KIFC3: variants seen among roughly 807,000 people sequenced by gnomAD.
KIFC3 encodes the protein kinesin-like protein KIFC3.
A neutral mutation model predicts 101.8 loss-of-function variants in KIFC3; 60 were observed. The ratio of observed to expected loss-of-function variants is 0.59; its 90% CI spans 0.48 to 0.73. KIFC3 has a LOEUF of 0.73. KIFC3 is among the 30% of genes least tolerant of loss of function. The probability of loss-of-function intolerance (pLI) is 0.00; values close to 1 mark genes in which losing one functional copy is unlikely to be tolerated. For missense variants in KIFC3, 966 were observed against 1,137.1 expected (o/e 0.85, Z 2.16); for synonymous variants, 476 against 482.7 (o/e 0.99, Z 0.18).
intron 3 of KIFC3, among the ~76,000 whole-genome samples, chr16:57,789,748 C>G (rs1174176412): frequency 7.1e-6 from 1 of 140,648 alleles, no homozygotes; most frequent in African/African-American, 2.9e-5. Context: ...CTTTTCTTTT[C>G]TTTTTTTAAA....
At chr16:57,850,457 TA>T (rs2056026549) in intron 1 of KIFC3, among the ~76,000 whole-genome samples, 1 of 141,508 alleles carries the variant, frequency 7.1e-6, no homozygotes, top group African/African-American at 2.6e-5. Flanking sequence ...AAATAAATTT[TA>T]AAAAGGGTTT....
chr16:57,768,716 C>A (rs563810890), intron 9 of KIFC3, among the ~76,000 whole-genome samples: 1 of 152,208 alleles, frequency 6.6e-6, no homozygotes, highest in South Asian at 2.1e-4. Context: ...GAACTATATT[C>A]TGTTCCCAAA....
At chr16:57,763,378 C>A (rs906879786) in intron 12 of KIFC3, among the ~76,000 whole-genome samples, 16 of 152,020 alleles carry the variant, frequency 1.1e-4, no homozygotes, top group African/African-American at 3.4e-4. Flanking sequence ...ACTAGTCTCA[C>A]CAGTCCCAGA....
chr16:57,828,105 G>T (rs2055495844), intron 1 of KIFC3, among the ~76,000 whole-genome samples: 1 of 152,158 alleles, frequency 6.6e-6, no homozygotes, highest in Non-Finnish European at 1.5e-5. Flanking sequence ...GGCCCTCTTG[G>T]AGGCTCTTCC....
chr16:57,836,987 C>A (rs2055700784), intron 1 of KIFC3, among the ~76,000 whole-genome samples: 2 of 152,172 alleles, frequency 1.3e-5, no homozygotes, highest in Admixed American at 1.3e-4. Flanking sequence ...AGCCACTGTA[C>A]CTTGCCTCAT....
At chr16:57,774,870 T>C in intron 3 of KIFC3, 2 of 1,384,246 alleles carry the variant, frequency 1.4e-6, no homozygotes, top group African/African-American at 1.5e-5. Flanking sequence ...CTACTCTCCC[T>C]ACCCTGACAT....
chr16:57,804,388 T>C (rs1375756632), upstream of KIFC3, among the ~76,000 whole-genome samples: 2 of 152,162 alleles, frequency 1.3e-5, no homozygotes, highest in Non-Finnish European at 2.9e-5. Flanking sequence ...AAACTGAGCC[T>C]CAGAAAGTTT....
At chr16:57,784,316 TG>T (rs2053089302) in intron 3 of KIFC3, among the ~76,000 whole-genome samples, 1 of 151,920 alleles carries the variant, frequency 6.6e-6, no homozygotes, top group Non-Finnish European at 1.5e-5. Flanking sequence ...AGTCAAGCTG[TG>T]GGGTAAGTGT....
intron 3 of KIFC3, chr16:57,775,251 G>A (rs1555611204): frequency 1.4e-5 from 18 of 1,309,712 alleles, no homozygotes; most frequent in Non-Finnish European, 1.7e-5. Context: ...TTGAGGAAGG[G>A]GCTCTAAAGG....
chr16:57,785,356 T>C, intron 3 of KIFC3: 1 of 523,482 alleles, frequency 1.9e-6, no homozygotes, highest in South Asian at 3.5e-5. Context: ...AGACCCCAGC[T>C]ATCTCCTCTT....
At chr16:57,787,506 T>C (rs1432936298) in intron 3 of KIFC3, among the ~76,000 whole-genome samples, 2 of 151,602 alleles carry the variant, frequency 1.3e-5, no homozygotes, top group African/African-American at 4.8e-5. Context: ...GGAGAAAAGA[T>C]CTCCAAGAAG....
chr16:57,819,731 TTG>T (rs2055311710), intron 1 of KIFC3, among the ~76,000 whole-genome samples: 1 of 151,836 alleles, frequency 6.6e-6, no homozygotes, highest in African/African-American at 2.4e-5. Context: ...CGGCAAATTT[TTG>T]TATTTTTAGT....
rs781902476 is a variant in KIFC3 at position 57,771,214 on chromosome 16, T to C, written c.749A>G (p.Gln250Arg). Reference sequence around the variant, plus strand: ...AGGGCTCACCTTGACAGGTGGGGACTGGGCCCGCAGGCTGGCAATGGTCTC... The same window carrying C: ...AGGGCTCACCTTGACAGGTGGGGACCGGGCCCGCAGGCTGGCAATGGTCTC... ...SHETIASLRA[Q>R]SPPVKYVIKT... The change falls in exon 6 of 20, where the codon CAG (glutamine) becomes CGG (arginine). Residue 250 changes from glutamine (Q) to arginine (R), a missense_variant. Gln to Arg is a conservative substitution (Grantham distance 43). Around this residue, in one of 2 missense-constraint regions of KIFC3, gnomAD observed 689 missense variants for 884.6 expected, o/e 0.78. Coordinates refer to ENST00000445690, the MANE Select transcript of KIFC3 (RefSeq NM_001130100.2). 2.5e-6 allele frequency: 4 copies of C among 1,612,730 alleles called. No individual in the cohort carries two copies. Among genetic ancestry groups the C allele is most frequent in the Middle Eastern group, 1.8e-4 (1 of 5,588 alleles).
intron 14 of KIFC3, 58 bp from the exon 15 acceptor site, chr16:57,761,229 C>T: frequency 6.2e-7 from 1 of 1,603,028 alleles, no homozygotes; most frequent in Non-Finnish European, 8.5e-7. Flanking sequence ...CTCAGAGTCA[C>T]CTGGCCCCAA....
chr16:57,825,469 A>T (rs2055439415), intron 1 of KIFC3, among the ~76,000 whole-genome samples: 1 of 152,018 alleles, frequency 6.6e-6, no homozygotes, highest in Non-Finnish European at 1.5e-5. Context: ...GGAGGACGCC[A>T]CTCCATTTAA....
At chr16:57,830,088 AAGGCC>A (rs1177441283) in intron 1 of KIFC3, among the ~76,000 whole-genome samples, 1 of 152,140 alleles carries the variant, frequency 6.6e-6, no homozygotes, top group Non-Finnish European at 1.5e-5. Flanking sequence ...ATGTCCTCGA[AAGGCC>A]AGGTATAGCC....
intron 1 of KIFC3, among the ~76,000 whole-genome samples, chr16:57,840,344 A>C (rs1312024217): frequency 6.6e-6 from 1 of 152,064 alleles, no homozygotes; most frequent in Non-Finnish European, 1.5e-5. Flanking sequence ...TCTCGAAAAC[A>C]AACAAAAACC....
At chr16:57,832,068 T>C (rs2055591314) in intron 1 of KIFC3, among the ~76,000 whole-genome samples, 1 of 152,324 alleles carries the variant, frequency 6.6e-6, no homozygotes, top group East Asian at 1.9e-4. Flanking sequence ...TCACCCAGCC[T>C]GGAGTACAGT....
At chr16:57,764,004 A>G (rs890255324) in intron 12 of KIFC3, 139 bp downstream of exon 12, 7 of 675,664 alleles carry the variant, frequency 1.0e-5, no homozygotes, top group African/African-American at 5.4e-5. Flanking sequence ...GCTAACACAG[A>G]TAACTACAGC....
Sources: allele counts gnomAD v4.1 joint callset (sites outside exome capture counted in the v4.1 genomes callset), GRCh38; gene constraint gnomAD v4.1.1; regional missense constraint gnomAD v4.1.1; transcripts MANE v1.5; gene names NCBI Gene and HGNC (gene_info 2026-07-23, HGNC 2026-07-21).